The following GRIA2 variants were observed in gnomAD, a reference collection of about 807,000 sequenced individuals.
GRIA2 encodes the protein glutamate receptor 2.
GRIA2 carries 14 observed loss-of-function variants against 97.3 expected under a neutral mutation model. That is an observed-to-expected ratio of 0.14 (90% CI 0.10 to 0.23). GRIA2 has a LOEUF of 0.23. GRIA2 is among the 10% of genes least tolerant of loss of function. The probability of loss-of-function intolerance (pLI) is 1.00; values close to 1 mark genes in which losing one functional copy is unlikely to be tolerated. For synonymous variants in GRIA2, 412 were observed against 387.8 expected, an observed-to-expected ratio of 1.06 and a Z score of -0.73; for missense variants, 558 against 1,069.8, an observed-to-expected ratio of 0.52 and a Z score of 6.67.
intron 2 of GRIA2, among the ~76,000 whole-genome samples, chr4:157,236,625 C>CA (rs1730261332): frequency 6.6e-6 from 1 of 152,006 alleles, no homozygotes; most frequent in South Asian, 2.1e-4. Context: ...GCTGGATATA[C>CA]AAAAAAGGCA....
At chr4:157,340,667 T>A (rs1030242943) in intron 11 of GRIA2, among the ~76,000 whole-genome samples, 1 of 151,928 alleles carries the variant, frequency 6.6e-6, no homozygotes, top group African/African-American at 2.4e-5. Flanking sequence ...TAGTTATATT[T>A]TGTGCGGTAT....
At chr4:157,241,648 G>A (rs974205721) in intron 2 of GRIA2, among the ~76,000 whole-genome samples, 2 of 152,012 alleles carry the variant, frequency 1.3e-5, no homozygotes, top group African/African-American at 2.4e-5. Flanking sequence ...AGATTAGATA[G>A]CGTTCATCTG....
Position 157,361,595 on chromosome 4 carries a change from G to A in GRIA2, c.2406+471G>A. The A allele has an allele frequency of 6.2e-7, 1 of 1,613,144 alleles. No homozygotes were observed. ...GTGAGCAAGGCGTCTTAGACAAGCT[G>A]AAAAACAAATGGTGGTACGATAAAG... On this transcript the variant is annotated intron_variant, in intron 14 of 15. Transcript: ENST00000264426. This position sits in a 1 kb window ranked among gnomAD's most constrained non-coding sequence, Gnocchi z 5.2.
chr4:157,246,681 TATC>T (rs1461646706), intron 2 of GRIA2, among the ~76,000 whole-genome samples: 10 of 152,152 alleles, frequency 6.6e-5, no homozygotes, highest in African/African-American at 2.4e-4. Context: ...TACTCTGTAA[TATC>T]ATCTGTTGAA....
chr4:157,229,260 A>G (rs1729893537), intron 2 of GRIA2, among the ~76,000 whole-genome samples: 2 of 152,010 alleles, frequency 1.3e-5, no homozygotes, highest in African/African-American at 2.4e-5. Context: ...TTTGTTTTCT[A>G]ACGATTTTGT....
intron 2 of GRIA2, among the ~76,000 whole-genome samples, chr4:157,271,454 A>G (rs1016042625): frequency 6.6e-6 from 1 of 152,090 alleles, no homozygotes; most frequent in Non-Finnish European, 1.5e-5. Flanking sequence ...AGCAGGTCAC[A>G]GAACTCAGGG....
intron 2 of GRIA2, among the ~76,000 whole-genome samples, chr4:157,262,004 T>C (rs1418772509): frequency 6.6e-6 from 1 of 152,108 alleles, no homozygotes; most frequent in African/African-American, 2.4e-5. Context: ...TTGAAACCCC[T>C]GCTACCCTCT....
chr4:157,223,489 A>G (rs539118936), intron 2 of GRIA2, among the ~76,000 whole-genome samples: 1 of 152,338 alleles, frequency 6.6e-6, no homozygotes, highest in Non-Finnish European at 1.5e-5. Context: ...CATGACATAC[A>G]AAGAAATCAA....
chr4:157,352,593 G>A (rs900982494), intron 12 of GRIA2, among the ~76,000 whole-genome samples: 8 of 151,576 alleles, frequency 5.3e-5, no homozygotes, highest in African/African-American at 1.7e-4. Flanking sequence ...GGTGATGGGC[G>A]CCTGTAATCC....
chr4:157,302,790 T>C (rs754508201), intron 2 of GRIA2, among the ~76,000 whole-genome samples: 4 of 151,820 alleles, frequency 2.6e-5, no homozygotes, highest in Non-Finnish European at 5.9e-5. Context: ...GGGGAAGGAG[T>C]GAAAGCAGAT....
intron 3 of GRIA2, among the ~76,000 whole-genome samples, chr4:157,309,747 A>T (rs1733996216): frequency 6.6e-6 from 1 of 152,200 alleles, no homozygotes; most frequent in Non-Finnish European, 1.5e-5. Flanking sequence ...TGTCATTTAT[A>T]TTTAAACTTT....
At chr4:157,288,684 C>A (rs62331540) in intron 2 of GRIA2, among the ~76,000 whole-genome samples, 11,110 of 151,670 alleles carry the variant, frequency 0.073, 525 homozygotes, top group Non-Finnish European at 0.1. Context: ...AAGATTTAGC[C>A]ATTAGAAACA....
chr4:157,294,059 C>T (rs1202770986), intron 2 of GRIA2, among the ~76,000 whole-genome samples: 2 of 152,056 alleles, frequency 1.3e-5, no homozygotes, highest in African/African-American at 2.4e-5. Context: ...CGCAGGAACC[C>T]GCTTGCTTAC....
intron 2 of GRIA2, among the ~76,000 whole-genome samples, chr4:157,289,010 C>A (rs1006347269): frequency 6.6e-6 from 1 of 151,724 alleles, no homozygotes; most frequent in South Asian, 2.1e-4. Flanking sequence ...TTGTTTTTAG[C>A]GTTAACCTTC....
At chr4:157,240,702 CT>C (rs113008910) in intron 2 of GRIA2, among the ~76,000 whole-genome samples, 11,432 of 146,756 alleles carry the variant, frequency 0.078, 527 homozygotes, top group Non-Finnish European at 0.11. Context: ...AAGTTACTTT[CT>C]TTTTTTTTTT....
chr4:157,278,553 T>G (rs1235615182), intron 2 of GRIA2, among the ~76,000 whole-genome samples: 1 of 152,042 alleles, frequency 6.6e-6, no homozygotes. Context: ...TACATGGTTT[T>G]GGGCATGTTG....
At chr4:157,277,487 C>T (rs554806106) in intron 2 of GRIA2, among the ~76,000 whole-genome samples, 3 of 151,846 alleles carry the variant, frequency 2.0e-5, no homozygotes, top group South Asian at 4.2e-4. Context: ...AGGATGTTCT[C>T]TTTCACCACT....
intron 2 of GRIA2, among the ~76,000 whole-genome samples, chr4:157,246,275 G>A (rs925815671): frequency 6.6e-6 from 1 of 151,822 alleles, no homozygotes; most frequent in Non-Finnish European, 1.5e-5. Flanking sequence ...ATTTCTCTTG[G>A]CCTTAGTTAC....
chr4:157,225,899 G>T (rs928352012), intron 2 of GRIA2, among the ~76,000 whole-genome samples: 1 of 151,862 alleles, frequency 6.6e-6, no homozygotes, highest in Non-Finnish European at 1.5e-5. Context: ...GCAAATTTTA[G>T]GAAAATACTA....
Sources: allele counts gnomAD v4.1 joint callset (sites outside exome capture counted in the v4.1 genomes callset), GRCh38; gene constraint gnomAD v4.1.1; non-coding constraint Gnocchi (gnomAD v3.1); transcripts MANE v1.5; gene names NCBI Gene and HGNC (gene_info 2026-07-23, HGNC 2026-07-21).